RANBP17: variants seen among roughly 807,000 people sequenced by gnomAD.
The protein encoded by RANBP17 is RAN binding protein 17.
RANBP17 carries 158 observed loss-of-function variants against 141.2 expected under a neutral mutation model. That is an observed-to-expected ratio of 1.12 (90% CI 0.98 to 1.28). The LOEUF is 1.28. RANBP17 is among the 50% of genes most tolerant of loss of function. The pLI is 0.00. For synonymous variants in RANBP17, 430 were observed against 450.0 expected (o/e 0.96, Z 0.56); for missense variants, 1,438 against 1,290.7 (o/e 1.11, Z -1.75).
intron 14 of RANBP17, among the ~76,000 whole-genome samples, chr5:171,152,777 G>A (rs1467972496): frequency 6.6e-6 from 1 of 152,116 alleles, no homozygotes; most frequent in East Asian, 1.9e-4. Context: ...CTCATTTATT[G>A]TTTATTATAC....
intron 14 of RANBP17, among the ~76,000 whole-genome samples, chr5:171,019,292 C>T (rs911951113): frequency 5.3e-5 from 8 of 152,244 alleles, no homozygotes; most frequent in Admixed American, 3.3e-4. Context: ...AGGAAGGAGT[C>T]CCTCCTTTTC....
intron 1 of RANBP17, among the ~76,000 whole-genome samples, chr5:170,868,873 A>G (rs1048338383): frequency 6.6e-6 from 1 of 152,214 alleles, no homozygotes; most frequent in Non-Finnish European, 1.5e-5. Flanking sequence ...TTGATTGGTT[A>G]GTAACCACCA....
chr5:171,135,263 G>A (rs927072325), intron 14 of RANBP17, among the ~76,000 whole-genome samples: 3 of 142,608 alleles, frequency 2.1e-5, no homozygotes, highest in Non-Finnish European at 4.5e-5. Flanking sequence ...CTGGGCAACA[G>A]AGTGAGACTC....
chr5:171,083,672 C>G (rs1470767482), intron 14 of RANBP17, among the ~76,000 whole-genome samples: 1 of 152,138 alleles, frequency 6.6e-6, no homozygotes, highest in African/African-American at 2.4e-5. Context: ...GGCTGTGTCC[C>G]CATCCAAATC....
chr5:171,128,133 G>A (rs1756631025), intron 14 of RANBP17, among the ~76,000 whole-genome samples: 1 of 152,206 alleles, frequency 6.6e-6, no homozygotes, highest in Non-Finnish European at 1.5e-5. Context: ...ACTCCAGCCT[G>A]GGTGACAGAG....
chr5:171,172,995 A>G (rs1342723083), intron 16 of RANBP17, among the ~76,000 whole-genome samples: 2 of 151,982 alleles, frequency 1.3e-5, no homozygotes, highest in African/African-American at 4.8e-5. Flanking sequence ...GCCAGGGGAT[A>G]GGAATGATTT....
At chr5:171,268,558 C>G (rs77899221) in intron 25 of RANBP17, among the ~76,000 whole-genome samples, 6,775 of 152,156 alleles carry the variant, frequency 0.045, 210 homozygotes, top group East Asian at 0.11. Context: ...CCACCCCACC[C>G]AAATGCAGTA....
chr5:170,969,608 C>T (rs1776844267), intron 14 of RANBP17, among the ~76,000 whole-genome samples: 2 of 151,862 alleles, frequency 1.3e-5, no homozygotes, highest in Non-Finnish European at 2.9e-5. Context: ...TGGTGTAGGT[C>T]TTAAATCAAA....
chr5:170,923,392 A>T (rs1772640690), intron 11 of RANBP17, among the ~76,000 whole-genome samples: 1 of 152,218 alleles, frequency 6.6e-6, no homozygotes, highest in Non-Finnish European at 1.5e-5. Context: ...TGTCTTGATT[A>T]GGTTTATAAT....
chr5:171,020,871 T>G (rs540744324), intron 14 of RANBP17, among the ~76,000 whole-genome samples: 7 of 152,310 alleles, frequency 4.6e-5, no homozygotes, highest in African/African-American at 1.7e-4. Flanking sequence ...ATAGTGTCAT[T>G]GGTCTTTATA....
intron 14 of RANBP17, among the ~76,000 whole-genome samples, chr5:170,994,254 G>T (rs1258702911): frequency 1.3e-5 from 2 of 152,030 alleles, no homozygotes; most frequent in African/African-American, 4.8e-5. Context: ...ATCAAGTTCG[G>T]ATATAGAAAG....
chr5:171,024,397 T>C (rs1463459451), intron 14 of RANBP17, among the ~76,000 whole-genome samples: 1 of 152,208 alleles, frequency 6.6e-6, no homozygotes, highest in Non-Finnish European at 1.5e-5. Flanking sequence ...ACAGTCATTC[T>C]TTTACATATT....
At chr5:171,104,925 C>A (rs1754677582) in intron 14 of RANBP17, among the ~76,000 whole-genome samples, 1 of 152,034 alleles carries the variant, frequency 6.6e-6, no homozygotes, top group African/African-American at 2.4e-5. Flanking sequence ...TTCCATTGGT[C>A]CCCTACACCA....
intron 25 of RANBP17, chr5:171,271,222 A>G (rs1469885756): frequency 1.5e-5 from 3 of 205,792 alleles, no homozygotes; most frequent in South Asian, 1.9e-4. Flanking sequence ...CTTTTCCTCA[A>G]TCAGTCAGTC....
At chr5:170,916,708 T>G in intron 9 of RANBP17, 124 bp downstream of exon 9, 1 of 560,498 alleles carries the variant, frequency 1.8e-6, no homozygotes, top group Non-Finnish European at 2.8e-6. Flanking sequence ...ATATATATCT[T>G]CCTTAGAGCT....
At chr5:171,284,308 C>T (rs1049332863) in intron 25 of RANBP17, among the ~76,000 whole-genome samples, 19 of 151,796 alleles carry the variant, frequency 1.3e-4, no homozygotes, top group Admixed American at 6.6e-4. Context: ...CTTTTTATTT[C>T]ATTTTATTTT....
chr5:171,009,919 T>C (rs1049745748), intron 14 of RANBP17, among the ~76,000 whole-genome samples: 1 of 152,190 alleles, frequency 6.6e-6, no homozygotes, highest in Non-Finnish European at 1.5e-5. Context: ...GGTTGAGGTC[T>C]ACATTTATCT....
At chr5:170,868,571 C>T (rs1767459474) in intron 1 of RANBP17, among the ~76,000 whole-genome samples, 1 of 152,140 alleles carries the variant, frequency 6.6e-6, no homozygotes, top group African/African-American at 2.4e-5. Flanking sequence ...CATGCCTGGC[C>T]TGTCTGTTTG....
chr5:171,001,755 T>C (rs1779214373), intron 14 of RANBP17, among the ~76,000 whole-genome samples: 1 of 152,070 alleles, frequency 6.6e-6, no homozygotes, highest in Non-Finnish European at 1.5e-5. Flanking sequence ...CCTGAGAAAC[T>C]GCTTGGGTGA....
Sources: allele counts gnomAD v4.1 joint callset (sites outside exome capture counted in the v4.1 genomes callset), GRCh38; gene constraint gnomAD v4.1.1; transcripts MANE v1.5; gene names NCBI Gene and HGNC (gene_info 2026-07-23, HGNC 2026-07-21).